Variants in MITF observed in about 807,000 individuals in gnomAD.
The protein encoded by MITF is melanocyte inducing transcription factor.
Under a neutral mutation model 60.5 loss-of-function variants are expected in MITF, and 17 were observed. That is an observed-to-expected ratio of 0.28 (90% confidence interval 0.19 to 0.42). The LOEUF (loss-of-function observed/expected upper bound fraction) is 0.42, where lower values mean the gene tolerates loss of function less well. MITF is among the 10% of genes least tolerant of loss of function. The pLI is 1.00. For missense variants in MITF, 622 were observed against 683.5 expected, an observed-to-expected ratio of 0.91 and a Z score of 1.00; for synonymous variants, 260 against 248.5, an observed-to-expected ratio of 1.05 and a Z score of -0.43.
At chr3:69,749,223 A>G (rs538098750) in intron 1 of MITF, among the ~76,000 whole-genome samples, 2 of 152,302 alleles carry the variant, frequency 1.3e-5, no homozygotes, top group African/African-American at 4.8e-5. Context: ...ATTCGTAGAG[A>G]TGGTGCTCTA....
intron 1 of MITF, among the ~76,000 whole-genome samples, chr3:69,830,843 C>G (rs1030970753): frequency 6.6e-6 from 1 of 152,164 alleles, no homozygotes; most frequent in Non-Finnish European, 1.5e-5. Flanking sequence ...TCATGTCTTA[C>G]GTTGCCATAA....
chr3:69,841,404 G>A (rs983151365), intron 1 of MITF, among the ~76,000 whole-genome samples: 1 of 152,176 alleles, frequency 6.6e-6, no homozygotes, highest in Admixed American at 6.5e-5. Flanking sequence ...AAAAAGTGCA[G>A]GATGCAATTC....
At chr3:69,923,798 A>G (rs1020936935) in intron 2 of MITF, among the ~76,000 whole-genome samples, 1 of 152,148 alleles carries the variant, frequency 6.6e-6, no homozygotes, top group African/African-American at 2.4e-5. Flanking sequence ...TCCAAACCAC[A>G]TATATTGGCC....
chr3:69,947,139 A>T (rs898775397), intron 5 of MITF, among the ~76,000 whole-genome samples: 1 of 152,230 alleles, frequency 6.6e-6, no homozygotes, highest in Non-Finnish European at 1.5e-5. Flanking sequence ...TGAGTTTTGC[A>T]TACAATTTGC....
At chr3:69,779,666 G>A (rs1236473463) in intron 1 of MITF, among the ~76,000 whole-genome samples, 1 of 152,008 alleles carries the variant, frequency 6.6e-6, no homozygotes, top group Admixed American at 6.6e-5. Context: ...ACTTAATGTC[G>A]ATAGAAGTGA....
intron 1 of MITF, among the ~76,000 whole-genome samples, chr3:69,833,029 A>ATTG (rs2063476210): frequency 6.6e-6 from 1 of 151,538 alleles, no homozygotes; most frequent in South Asian, 2.1e-4. Flanking sequence ...ACTGTATGTG[A>ATTG]TTGTTTCTCT....
At chr3:69,829,521 C>T (rs1412177234) in intron 1 of MITF, among the ~76,000 whole-genome samples, 1 of 152,144 alleles carries the variant, frequency 6.6e-6, no homozygotes. Context: ...TTCATTTGTT[C>T]AGCCATCGTT....
intron 1 of MITF, among the ~76,000 whole-genome samples, chr3:69,821,027 A>C (rs1417130050): frequency 6.6e-6 from 1 of 152,188 alleles, no homozygotes; most frequent in African/African-American, 2.4e-5. Context: ...TTCCAAACCC[A>C]CATTTTCCAG....
rs905563426 is a variant in MITF, at chr3:69,895,845, TGTG to T, written c.354+16463_354+16465del. ...GTGTGTGTGTGTGTGTGTGTGTGTG[TGTG>T]TATGTGTGTGTTTTGACAATTTTTC... is the stretch of plus-strand genomic sequence containing the variant. On this transcript the variant is annotated intron_variant, in intron 2 of 9. Coordinates refer to ENST00000352241, the MANE Select transcript of MITF (RefSeq NM_001354604.2). Among the ~76,000 whole-genome samples, 52 of 150,844 alleles carry T rather than the reference TGTG, an allele frequency of 3.4e-4. 1 individual carries two copies. Among genetic ancestry groups the T allele is most frequent in the Non-Finnish European group, 5.3e-4 (36 of 67,584 alleles).
intron 2 of MITF, among the ~76,000 whole-genome samples, chr3:69,912,612 A>G (rs1477028229): frequency 6.6e-6 from 1 of 152,146 alleles, no homozygotes; most frequent in Non-Finnish European, 1.5e-5. Flanking sequence ...GCCTCATGCA[A>G]TTTACCAAAG....
rs1465096726 is a variant in MITF at position 69,864,540 on chromosome 3, G to C, written c.105-14594G>C. Among the ~76,000 whole-genome samples, 3 of 152,134 alleles carry C rather than the reference G, an allele frequency of 2.0e-5. No individual in the cohort carries two copies. The East Asian group carries it at 5.8e-4, about 29-fold the overall frequency. ...ACCATCACCTCCTACCAGGACTATT[G>C]CAGTAGCTAACTCTGACAGTTTTCT... On this transcript the variant is annotated intron_variant, in intron 1 of 9. Transcript: ENST00000352241.
intron 1 of MITF, among the ~76,000 whole-genome samples, chr3:69,808,601 G>C (rs1051393993): frequency 2.0e-5 from 3 of 152,072 alleles, no homozygotes; most frequent in Admixed American, 1.3e-4. Context: ...GAGTAGGAGT[G>C]GAGTAGGGGA....
In MITF at chr3:69,964,827, T is replaced by G. The variant is rs765660205; in HGVS notation, c.1180-20T>G. 9 of 1,613,592 alleles carry G rather than the reference T, an allele frequency of 5.6e-6. No individual in the cohort carries two copies. In the South Asian group the frequency reaches 9.9e-5, roughly 18 times the overall value. On this transcript the variant is annotated intron_variant, in intron 9 of 9. Transcript: ENST00000352241. ...CTGTGCTCTGCCTATTTCAGTGTTT[T>G]ATCTTTACTCTTATTATAGGAACTT...
chr3:69,836,322 T>A (rs1398480015), intron 1 of MITF, among the ~76,000 whole-genome samples: 1 of 152,234 alleles, frequency 6.6e-6, no homozygotes, highest in Non-Finnish European at 1.5e-5. Context: ...TGTTGATTTT[T>A]GTATCCTGCA....
chr3:69,797,610 A>G (rs2106939163), intron 1 of MITF, among the ~76,000 whole-genome samples: 1 of 152,238 alleles, frequency 6.6e-6, no homozygotes, highest in East Asian at 1.9e-4. Context: ...TCATAGTTTA[A>G]TATTGTCCTC....
chr3:69,938,877 A>G (rs1576007466), intron 3 of MITF: 5 of 1,443,488 alleles, frequency 3.5e-6, no homozygotes, highest in East Asian at 2.5e-5. Flanking sequence ...CTTTGCCCCT[A>G]TGCCCAAACC....
chr3:69,917,462 C>T (rs566851682), intron 2 of MITF, among the ~76,000 whole-genome samples: 9 of 137,972 alleles, frequency 6.5e-5, no homozygotes, highest in South Asian at 2.4e-4. Context: ...GTGGTTCATT[C>T]ATGGTATGGT....
chr3:69,939,874 ATGT>A (rs779454591), intron 4 of MITF, among the ~76,000 whole-genome samples: 1 of 152,212 alleles, frequency 6.6e-6, no homozygotes, highest in Non-Finnish European at 1.5e-5. Context: ...TGGCAAGGAA[ATGT>A]TGTTCATAAG....
chr3:69,919,145 C>A (rs2065404924), intron 2 of MITF, among the ~76,000 whole-genome samples: 1 of 152,170 alleles, frequency 6.6e-6, no homozygotes, highest in African/African-American at 2.4e-5. Context: ...AATTCAGCCA[C>A]CACAGTGCAT....
Sources: allele counts gnomAD v4.1 joint callset (sites outside exome capture counted in the v4.1 genomes callset), GRCh38; gene constraint gnomAD v4.1.1; transcripts MANE v1.5; gene names NCBI Gene and HGNC (gene_info 2026-07-23, HGNC 2026-07-21).